The following STXBP5L variants were observed in gnomAD, a reference collection of about 807,000 sequenced individuals.
STXBP5L encodes syntaxin binding protein 5L, also known as syntaxin-binding protein 5-like.
Under a neutral mutation model 144.5 loss-of-function variants are expected in STXBP5L, and 65 were observed. The ratio of observed to expected loss-of-function variants is 0.45; its 90% confidence interval spans 0.37 to 0.55. The LOEUF (loss-of-function observed/expected upper bound fraction) is 0.55. Ranked by LOEUF, STXBP5L falls within the 20% of genes least tolerant of loss-of-function variation. The pLI, the probability that STXBP5L is intolerant of heterozygous loss-of-function variation, is 0.00. For synonymous variants in STXBP5L, 505 were observed against 469.6 expected (o/e 1.08, Z -0.97); for missense variants, 1,298 against 1,405.5 (o/e 0.92, Z 1.22).
chr3:120,927,811 G>A (rs1171124124), intron 2 of STXBP5L, among the ~76,000 whole-genome samples: 1 of 152,126 alleles, frequency 6.6e-6, no homozygotes, highest in African/African-American at 2.4e-5. Context: ...AACTTTGGTT[G>A]TATGCTGCCA....
chr3:121,386,909 T>G (rs1005255057), intron 22 of STXBP5L, among the ~76,000 whole-genome samples: 1 of 152,150 alleles, frequency 6.6e-6, no homozygotes, highest in South Asian at 2.1e-4. Flanking sequence ...TAATCCTTTG[T>G]GTATATACCC....
At chr3:121,067,629 C>T (rs997236599) in intron 5 of STXBP5L, among the ~76,000 whole-genome samples, 2 of 152,048 alleles carry the variant, frequency 1.3e-5, no homozygotes, top group African/African-American at 4.8e-5. Flanking sequence ...TGACTAAGTT[C>T]ATTAATTGTG....
chr3:120,975,868 C>G (rs965897895), intron 3 of STXBP5L, among the ~76,000 whole-genome samples: 1 of 152,038 alleles, frequency 6.6e-6, no homozygotes, highest in African/African-American at 2.4e-5. Flanking sequence ...GTATATTGAA[C>G]CAGCCTTGCA....
chr3:121,055,864 T>G (rs1199230351), intron 5 of STXBP5L, among the ~76,000 whole-genome samples: 3 of 151,312 alleles, frequency 2.0e-5, no homozygotes, highest in Non-Finnish European at 2.9e-5. Flanking sequence ...TTAATTTTTT[T>G]TTTTTTTTTG....
chr3:121,110,288 T>C (rs1389111889), intron 5 of STXBP5L, among the ~76,000 whole-genome samples: 1 of 152,234 alleles, frequency 6.6e-6, no homozygotes, highest in East Asian at 1.9e-4. Flanking sequence ...GTTGATGTAG[T>C]TGCCTTATAG....
chr3:120,951,030 C>G (rs531856860), intron 2 of STXBP5L, among the ~76,000 whole-genome samples: 6 of 152,132 alleles, frequency 3.9e-5, no homozygotes, highest in African/African-American at 1.4e-4. Flanking sequence ...TTTGACAAAC[C>G]TGAGAAAAAC....
At chr3:121,052,238 C>T (rs565692971) in intron 5 of STXBP5L, among the ~76,000 whole-genome samples, 112 of 151,384 alleles carry the variant, frequency 7.4e-4, no homozygotes, top group African/African-American at 2.5e-3. Context: ...TTATGAGGCC[C>T]GCATCATCCT....
intron 2 of STXBP5L, among the ~76,000 whole-genome samples, chr3:120,931,001 G>A (rs1709903965): frequency 6.6e-6 from 1 of 151,972 alleles, no homozygotes; most frequent in African/African-American, 2.4e-5. Context: ...AAAATGCTAT[G>A]TAGACTAGGT....
At chr3:121,231,266 C>T (rs537079438) in intron 11 of STXBP5L, among the ~76,000 whole-genome samples, 9 of 152,332 alleles carry the variant, frequency 5.9e-5, no homozygotes, top group African/African-American at 2.2e-4. Flanking sequence ...CCAAGAGCCA[C>T]AGCAAGCAGC....
intron 5 of STXBP5L, among the ~76,000 whole-genome samples, chr3:121,077,252 A>G (rs933845989): frequency 1.3e-5 from 2 of 152,312 alleles, no homozygotes; most frequent in African/African-American, 2.4e-5. Flanking sequence ...GTCCCCAGAA[A>G]TGTTACGGGG....
At chr3:121,127,715 C>T (rs2044776094) in intron 7 of STXBP5L, among the ~76,000 whole-genome samples, 1 of 151,852 alleles carries the variant, frequency 6.6e-6, no homozygotes, top group Admixed American at 6.6e-5. Context: ...TCTGGGTGCA[C>T]ATGAATTTTT....
chr3:120,986,305 C>A (rs905204557), intron 3 of STXBP5L, among the ~76,000 whole-genome samples: 2 of 151,798 alleles, frequency 1.3e-5, no homozygotes, highest in African/African-American at 2.4e-5. Context: ...ATTGGCCTAA[C>A]GTATGATCTG....
intron 3 of STXBP5L, among the ~76,000 whole-genome samples, chr3:120,979,353 G>C (rs1014656790): frequency 5.9e-5 from 9 of 152,232 alleles, no homozygotes; most frequent in African/African-American, 2.2e-4. Flanking sequence ...CTCCGAGCCA[G>C]GTGTGGGATA....
chr3:121,131,416 G>A (rs1449073230), intron 7 of STXBP5L, among the ~76,000 whole-genome samples: 4 of 152,074 alleles, frequency 2.6e-5, no homozygotes. Flanking sequence ...ACTTTATAAT[G>A]GAATTTTATG....
At chr3:121,267,161 T>C (rs1158975086) in intron 18 of STXBP5L, among the ~76,000 whole-genome samples, 1 of 152,174 alleles carries the variant, frequency 6.6e-6, no homozygotes, top group African/African-American at 2.4e-5. Context: ...CTTCGAACTA[T>C]ACTACAAGGC....
intron 3 of STXBP5L, among the ~76,000 whole-genome samples, chr3:120,996,230 T>C (rs1317224478): frequency 2.0e-5 from 3 of 152,076 alleles, no homozygotes; most frequent in Non-Finnish European, 4.4e-5. Context: ...TTGGCATGCA[T>C]ATCTCTGGGT....
At chr3:121,142,257 A>C (rs979801012) in intron 7 of STXBP5L, among the ~76,000 whole-genome samples, 2 of 152,008 alleles carry the variant, frequency 1.3e-5, no homozygotes, top group African/African-American at 4.8e-5. Context: ...CTAAATATAT[A>C]AGGCAAATAT....
intron 5 of STXBP5L, chr3:121,099,870 C>T (rs935509284): frequency 6.6e-6 from 1 of 152,120 alleles, no homozygotes; most frequent in Non-Finnish European, 1.5e-5. Flanking sequence ...CATTGCACAC[C>T]TAACAGGACC....
Position 121,204,945 on chromosome 3 carries a change from T to C in STXBP5L, c.878-978T>C, listed in dbSNP as rs563783019. On this transcript the variant is annotated intron_variant, in intron 9 of 26. Transcript: ENST00000471454. ...ATAAGAAATTATCATTTTTGTTTTA[T>C]GCAAAATGAATACATCATTAAAATG... Among the ~76,000 whole-genome samples, 190 of 152,306 alleles carry C rather than the reference T, an allele frequency of 1.2e-3. 2 individuals carry two copies. Among genetic ancestry groups the C allele is most frequent in the Non-Finnish European group, 9.6e-4 (65 of 68,004 alleles).
Sources: allele counts gnomAD v4.1 joint callset (sites outside exome capture counted in the v4.1 genomes callset), GRCh38; gene constraint gnomAD v4.1.1; transcripts MANE v1.5; gene names NCBI Gene and HGNC (gene_info 2026-07-23, HGNC 2026-07-21).